Variants in SGCZ observed in about 807,000 individuals in gnomAD.
SGCZ encodes the protein sarcoglycan zeta, also known as zeta-sarcoglycan.
Under a neutral mutation model 41.3 loss-of-function variants are expected in SGCZ, and 40 were observed. That is an observed-to-expected ratio of 0.97 (90% CI 0.75 to 1.26). The LOEUF is 1.26. SGCZ is among the 50% of genes most tolerant of loss of function. SGCZ has a pLI of 0.00. For missense variants in SGCZ, 552 were observed against 369.8 expected, an observed-to-expected ratio of 1.49 and a Z score of -4.04; for synonymous variants, 206 against 137.5, an observed-to-expected ratio of 1.50 and a Z score of -3.49.
At chr8:15,132,439 T>C (rs1387742303) in intron 1 of SGCZ, among the ~76,000 whole-genome samples, 3 of 152,142 alleles carry the variant, frequency 2.0e-5, no homozygotes, top group Non-Finnish European at 4.4e-5. Context: ...ACATGCCTCA[T>C]GGAGATACAA....
chr8:14,771,763 G>T (rs1563258819), intron 1 of SGCZ, among the ~76,000 whole-genome samples: 1 of 151,790 alleles, frequency 6.6e-6, no homozygotes, highest in Non-Finnish European at 1.5e-5. Flanking sequence ...TATTTTGGGG[G>T]GTAAGACTGT....
intron 1 of SGCZ, among the ~76,000 whole-genome samples, chr8:15,210,609 C>T (rs1346665805): frequency 6.6e-6 from 1 of 152,132 alleles, no homozygotes; most frequent in Admixed American, 6.5e-5. Context: ...CCTCTAGACC[C>T]CAAGTCTTTC....
chr8:14,588,517 C>T lies in SGCZ; in HGVS notation c.40-33591G>A, dbSNP rs114067000. Among the ~76,000 whole-genome samples, 913 of 152,126 alleles carry T rather than the reference C, an allele frequency of 6.0e-3. 11 individuals carry two copies. The highest frequency in any genetic ancestry group is 0.021 in the African/African-American group (867 of 41,512). On this transcript the variant is annotated intron_variant, in intron 1 of 7. Transcript: ENST00000382080. ...ACTAATTAAAAATTTTGCCCTAGAA[C>T]ATTTTATGTGATTCAAATATTACAA...
intron 4 of SGCZ, among the ~76,000 whole-genome samples, chr8:14,205,719 AC>A (rs1805593859): frequency 6.6e-6 from 1 of 152,144 alleles, no homozygotes; most frequent in Non-Finnish European, 1.5e-5. Flanking sequence ...AGTTGTAGAC[AC>A]CAGCTTAATG....
chr8:14,302,531 C>A lies in SGCZ; in HGVS notation c.336+21572G>T, dbSNP rs73531311. On this transcript the variant is annotated intron_variant, in intron 3 of 7. Transcript: ENST00000382080. ...CCAGAACATCATTTCCAAGTTCTGA[C>A]CTACACCCTCTCCGATTTCACTCAA... is the stretch of plus-strand genomic sequence containing the variant. Among the ~76,000 whole-genome samples the A allele has an allele frequency of 4.2e-3, 645 of 152,060 alleles. 3 individuals carry two copies. The highest frequency in any genetic ancestry group is 0.015 in the African/African-American group (615 of 41,462).
chr8:15,196,532 A>G (rs1239086494), intron 1 of SGCZ, among the ~76,000 whole-genome samples: 3 of 150,376 alleles, frequency 2.0e-5, no homozygotes, highest in African/African-American at 7.3e-5. Flanking sequence ...AGATTGTATT[A>G]TATTGTGGGT....
chr8:14,767,782 C>T (rs1800088577), intron 1 of SGCZ, among the ~76,000 whole-genome samples: 1 of 152,184 alleles, frequency 6.6e-6, no homozygotes, highest in East Asian at 1.9e-4. Context: ...CTTTCAAATT[C>T]TGTGTAAAGC....
chr8:14,422,742 G>C (rs547266938), intron 2 of SGCZ, among the ~76,000 whole-genome samples: 4 of 152,178 alleles, frequency 2.6e-5, no homozygotes, highest in African/African-American at 9.6e-5. Flanking sequence ...CAGAAGGCTT[G>C]CTTTTGTTAC....
intron 1 of SGCZ, among the ~76,000 whole-genome samples, chr8:14,618,350 T>C (rs1404962914): frequency 6.6e-6 from 1 of 152,146 alleles, no homozygotes; most frequent in African/African-American, 2.4e-5. Flanking sequence ...GCAAGCCCTG[T>C]AGAAAGAACG....
intron 1 of SGCZ, among the ~76,000 whole-genome samples, chr8:14,665,678 T>C (rs1177105972): frequency 6.6e-6 from 1 of 152,168 alleles, no homozygotes; most frequent in Non-Finnish European, 1.5e-5. Flanking sequence ...CTTGGAGCTT[T>C]TCATACCCCA....
intron 1 of SGCZ, among the ~76,000 whole-genome samples, chr8:15,023,539 G>A (rs1354662040): frequency 6.6e-6 from 1 of 152,140 alleles, no homozygotes; most frequent in African/African-American, 2.4e-5. Context: ...TCAGTCCACT[G>A]CCAGTGTCTG....
intron 5 of SGCZ, among the ~76,000 whole-genome samples, chr8:14,145,849 G>A (rs1484705020): frequency 3.9e-5 from 6 of 152,126 alleles, no homozygotes; most frequent in African/African-American, 9.7e-5. Context: ...AATCGATCAA[G>A]CTGGAGGAAG....
At chr8:14,846,712 A>C (rs201436303) in intron 1 of SGCZ, among the ~76,000 whole-genome samples, 41,452 of 141,782 alleles carry the variant, frequency 0.29, 7,218 homozygotes, top group East Asian at 0.56. Context: ...CCAAAAAAAA[A>C]AAAAAAAAAA....
intron 2 of SGCZ, among the ~76,000 whole-genome samples, chr8:14,367,853 A>AT (rs1803768521): frequency 1.3e-5 from 2 of 152,114 alleles, no homozygotes; most frequent in East Asian, 1.9e-4. Flanking sequence ...CATGCTTATT[A>AT]TTTTTTGGGA....
chr8:14,284,622 T>C (rs1800561850), intron 3 of SGCZ, among the ~76,000 whole-genome samples: 1 of 152,228 alleles, frequency 6.6e-6, no homozygotes, highest in Admixed American at 6.5e-5. Context: ...GCTTTTGATA[T>C]TGTTAAGTTT....
At chr8:14,479,066 A>G (rs1250358801) in intron 2 of SGCZ, among the ~76,000 whole-genome samples, 1 of 152,146 alleles carries the variant, frequency 6.6e-6, no homozygotes, top group Admixed American at 6.5e-5. Context: ...GTACATATAA[A>G]ATAGAGTTTA....
rs541631358 is a variant in SGCZ at position 15,181,316 on chromosome 8, T to C, written c.39+56269A>G. Among the ~76,000 whole-genome samples the C allele has an allele frequency of 3.0e-4, 45 of 152,222 alleles. No homozygotes were observed. The South Asian group carries it at 8.9e-3, about 30-fold the overall frequency. On this transcript the variant is annotated intron_variant, in intron 1 of 7. Coordinates refer to ENST00000382080, the MANE Select transcript of SGCZ (RefSeq NM_139167.4). Reference sequence around the variant, plus strand: ...CTTCACCTTTTTTTCTACTTAAGAGTTTATAATTATATTTGAATTATACTT... The same window carrying C: ...CTTCACCTTTTTTTCTACTTAAGAGCTTATAATTATATTTGAATTATACTT...
chr8:14,166,035 T>G (rs1350424164), intron 4 of SGCZ, among the ~76,000 whole-genome samples: 3 of 152,098 alleles, frequency 2.0e-5, no homozygotes, highest in Admixed American at 1.3e-4. Context: ...ACATGTAAGC[T>G]AATTTCTCCA....
At chr8:14,130,743 G>C (rs1252411720) in intron 5 of SGCZ, among the ~76,000 whole-genome samples, 2 of 152,182 alleles carry the variant, frequency 1.3e-5, no homozygotes, top group African/African-American at 2.4e-5. Context: ...TGCTTGCATA[G>C]GTAAATGCCA....
Sources: allele counts gnomAD v4.1 joint callset (sites outside exome capture counted in the v4.1 genomes callset), GRCh38; gene constraint gnomAD v4.1.1; transcripts MANE v1.5; gene names NCBI Gene and HGNC (gene_info 2026-07-23, HGNC 2026-07-21).